Variants in PCDH15 observed in about 807,000 individuals in gnomAD.
The protein encoded by PCDH15 is protocadherin related 15.
Under a neutral mutation model 178.5 loss-of-function variants are expected in PCDH15, and 129 were observed. The ratio of observed to expected loss-of-function variants is 0.72; its 90% CI spans 0.63 to 0.84. PCDH15 has a LOEUF of 0.84. Ranked by LOEUF, PCDH15 falls within the 40% of genes least tolerant of loss-of-function variation. The pLI is 0.00. For missense variants in PCDH15, 2,230 were observed against 2,099.9 expected, an observed-to-expected ratio of 1.06 and a Z score of -1.21; for synonymous variants, 800 against 732.0, an observed-to-expected ratio of 1.09 and a Z score of -1.50.
intron 3 of PCDH15, among the ~76,000 whole-genome samples, chr10:54,470,877 G>A (rs974786746): frequency 6.6e-6 from 1 of 152,034 alleles, no homozygotes; most frequent in African/African-American, 2.4e-5. Context: ...AAGGAGGTGA[G>A]TACCGGATGC....
chr10:55,104,014 TAGCAGG>T (rs1842625324), intron 2 of PCDH15, among the ~76,000 whole-genome samples: 15 of 152,060 alleles, frequency 9.9e-5, no homozygotes, highest in Non-Finnish European at 2.2e-4. Context: ...AACTTGAGGT[TAGCAGG>T]TTTATAGATA....
chr10:54,547,794 T>TA (rs2086029823), intron 2 of PCDH15, among the ~76,000 whole-genome samples: 1 of 152,080 alleles, frequency 6.6e-6, no homozygotes, highest in African/African-American at 2.4e-5. Flanking sequence ...GACATACCCT[T>TA]AGGAACGAAC....
At chr10:53,905,217 C>T (rs750940167) in intron 25 of PCDH15, 1 of 518,892 alleles carries the variant, frequency 1.9e-6, no homozygotes, top group South Asian at 1.4e-5. Flanking sequence ...GTCATCTGCT[C>T]CCCTGTCGTG....
intron 2 of PCDH15, among the ~76,000 whole-genome samples, chr10:54,633,560 G>A (rs927373391): frequency 6.6e-6 from 1 of 152,008 alleles, no homozygotes; most frequent in Non-Finnish European, 1.5e-5. Flanking sequence ...GAGGAGACAG[G>A]TGAAAGCCCA....
chr10:55,243,014 G>A (rs1841593763), intron 1 of PCDH15, among the ~76,000 whole-genome samples: 1 of 152,060 alleles, frequency 6.6e-6, no homozygotes, highest in African/African-American at 2.4e-5. Flanking sequence ...TAGAGGAAAT[G>A]GAATAGAGAC....
chr10:54,893,601 T>G (rs1954500358), intron 3 of PCDH15, among the ~76,000 whole-genome samples: 1 of 152,036 alleles, frequency 6.6e-6, no homozygotes, highest in Non-Finnish European at 1.5e-5. Context: ...AAATATTGTT[T>G]AAAAATTAAA....
In PCDH15 at chr10:54,559,116, C is replaced by T. The variant is rs556441019; in HGVS notation, c.92-31239G>A. Among the ~76,000 whole-genome samples, 5 of 152,108 alleles carry T rather than the reference C, an allele frequency of 3.3e-5. No homozygotes were observed. In the South Asian group the frequency reaches 1.0e-3, roughly 32 times the overall value. ...CCCAGTTTTCCCTTATCTCACTTTT[C>T]TCTTCTCTTTTCTTTTATCATATGT... On this transcript the variant is annotated intron_variant, in intron 2 of 37. Coordinates refer to ENST00000644397, the MANE Select transcript of PCDH15 (RefSeq NM_001384140.1).
chr10:55,104,218 A>G (rs1842629673), intron 2 of PCDH15, among the ~76,000 whole-genome samples: 1 of 151,706 alleles, frequency 6.6e-6, no homozygotes, highest in Non-Finnish European at 1.5e-5. Flanking sequence ...AGAATAGGGC[A>G]CTTTCTTATG....
chr10:55,056,655 C>T (rs183135745), intron 2 of PCDH15, among the ~76,000 whole-genome samples: 20 of 142,572 alleles, frequency 1.4e-4, no homozygotes, highest in Admixed American at 2.1e-4. Flanking sequence ...TATTTTGAGA[C>T]GGAGTCTTGC....
At chr10:55,426,466 G>A in intron 2 of PCDH15, among the ~76,000 whole-genome samples, 1 of 152,150 alleles carries the variant, frequency 6.6e-6, no homozygotes, top group East Asian at 1.9e-4. Flanking sequence ...GTGCTGGCAG[G>A]AGTTAACTAT....
intron 3 of PCDH15, among the ~76,000 whole-genome samples, chr10:54,466,857 C>T (rs1345818746): frequency 6.6e-6 from 1 of 151,734 alleles, no homozygotes; most frequent in Non-Finnish European, 1.5e-5. Flanking sequence ...TTGTAATTTT[C>T]CTTGTAGAAG....
chr10:55,485,202 T>A (rs1203449023), intron 2 of PCDH15, among the ~76,000 whole-genome samples: 2 of 151,648 alleles, frequency 1.3e-5, no homozygotes, highest in Non-Finnish European at 3.0e-5. Flanking sequence ...ATCCTAATAA[T>A]CCTGTTGAAA....
chr10:55,596,064 A>G (rs1842929761), intron 2 of PCDH15, among the ~76,000 whole-genome samples: 1 of 152,074 alleles, frequency 6.6e-6, no homozygotes, highest in Admixed American at 6.6e-5. Flanking sequence ...GAACTTTTAA[A>G]TTTACGTCCT....
intron 2 of PCDH15, among the ~76,000 whole-genome samples, chr10:55,361,018 T>A (rs1845214457): frequency 6.6e-6 from 1 of 151,970 alleles, no homozygotes; most frequent in South Asian, 2.1e-4. Context: ...ACGAACTGCA[T>A]TTTCTGAATG....
intron 2 of PCDH15, among the ~76,000 whole-genome samples, chr10:55,408,812 T>A (rs1487359801): frequency 6.6e-6 from 1 of 152,084 alleles, no homozygotes; most frequent in African/African-American, 2.4e-5. Context: ...TGCTATCACT[T>A]CACTAAAGCT....
At chr10:54,462,180 C>T (rs918464146) in intron 3 of PCDH15, among the ~76,000 whole-genome samples, 9 of 151,854 alleles carry the variant, frequency 5.9e-5, no homozygotes, top group African/African-American at 1.2e-4. Context: ...TGCAAATGTG[C>T]GTAATAATTT....
At chr10:54,066,996 T>A (rs2094147543) in intron 17 of PCDH15, 111 bp from the exon 18 acceptor site, 2 of 1,040,452 alleles carry the variant, frequency 1.9e-6, no homozygotes, top group Admixed American at 2.4e-5. Context: ...TTTTTCTTTC[T>A]AATCCTTAGC....
chr10:55,196,057 T>G (rs1033086082), intron 1 of PCDH15, among the ~76,000 whole-genome samples: 3 of 152,130 alleles, frequency 2.0e-5, no homozygotes, highest in African/African-American at 7.2e-5. Flanking sequence ...TGAATCAGAA[T>G]CTCCTTCCTT....
chr10:55,477,349 GGA>G (rs2132113701), intron 2 of PCDH15, among the ~76,000 whole-genome samples: 1 of 151,938 alleles, frequency 6.6e-6, no homozygotes, highest in East Asian at 1.9e-4. Context: ...AAATAATGAA[GGA>G]CAGAACTCAA....
Sources: gnomAD v4.1 joint callset for allele counts (sites outside exome capture counted in the v4.1 genomes callset) on GRCh38, gnomAD v4.1.1 for gene constraint, MANE v1.5 for transcripts, NCBI Gene and HGNC (gene_info 2026-07-23, HGNC 2026-07-21) for gene names.